Variants in L3MBTL4 observed in about 807,000 individuals in gnomAD.
L3MBTL4 encodes the protein L3MBTL histone methyl-lysine binding protein 4.
In L3MBTL4, 70 loss-of-function variants were observed where a neutral mutation model predicts 84.5. The observed-to-expected ratio is 0.83, with a 90% CI of 0.68 to 1.01. The LOEUF (loss-of-function observed/expected upper bound fraction) is 1.01, where lower values mean the gene tolerates loss of function less well. Ranked by LOEUF, L3MBTL4 falls within the 50% of genes least tolerant of loss-of-function variation. L3MBTL4 has a pLI of 0.00. For missense variants in L3MBTL4, 715 were observed against 754.8 expected (o/e 0.95, Z 0.62); for synonymous variants, 274 against 259.8 (o/e 1.05, Z -0.52).
intron 13 of L3MBTL4, among the ~76,000 whole-genome samples, chr18:6,163,230 G>A (rs866527917): frequency 5.2e-4 from 75 of 143,438 alleles, no homozygotes; most frequent in Middle Eastern, 7.2e-3. Flanking sequence ...TTTGGAGTAG[G>A]GGTGTGTTTG....
At chr18:6,093,188 A>G (rs564231879) in intron 15 of L3MBTL4, among the ~76,000 whole-genome samples, 167 bp downstream of exon 15, 2 of 152,260 alleles carry the variant, frequency 1.3e-5, no homozygotes, top group South Asian at 4.1e-4. Flanking sequence ...TTTTAAATGA[A>G]GATCAAGGCT....
At chr18:6,317,840 G>A (rs944731875) in intron 1 of L3MBTL4, among the ~76,000 whole-genome samples, 1 of 152,100 alleles carries the variant, frequency 6.6e-6, no homozygotes, top group Non-Finnish European at 1.5e-5. Context: ...AGAATTCTAA[G>A]AGCAGTGAGA....
intron 16 of L3MBTL4, among the ~76,000 whole-genome samples, chr18:6,016,911 G>A (rs1027459271): frequency 3.3e-5 from 5 of 152,130 alleles, no homozygotes; most frequent in South Asian, 2.1e-4. Context: ...TGTGGGGAAG[G>A]GGCATGGAGA....
At chr18:6,094,945 A>T (rs1403795410) in intron 14 of L3MBTL4, among the ~76,000 whole-genome samples, 1 of 152,186 alleles carries the variant, frequency 6.6e-6, no homozygotes, top group African/African-American at 2.4e-5. Context: ...GTAATTTGTA[A>T]TAATCAGTAT....
chr18:6,158,313 AGAT>A (rs914684980), intron 13 of L3MBTL4, among the ~76,000 whole-genome samples: 1 of 152,214 alleles, frequency 6.6e-6, no homozygotes, highest in African/African-American at 2.4e-5. Flanking sequence ...GCTATTCTTT[AGAT>A]AATATGGCCC....
In L3MBTL4 at chr18:6,320,985, C is replaced by T. The variant is rs975899199; in HGVS notation, c.-90-8929G>A. 6.6e-5 allele frequency among the ~76,000 whole-genome samples: 10 copies of T among 151,952 alleles called. No individual in the cohort carries two copies. In the East Asian group the frequency reaches 1.9e-3, roughly 29 times the overall value. ...ATACAAAAACATAACTGGGGAAGGG[C>T]CACCCTATTTAATAAATGGTGCTGG... On this transcript the variant is annotated intron_variant, in intron 1 of 18. Transcript: ENST00000317931.
intron 16 of L3MBTL4, among the ~76,000 whole-genome samples, chr18:5,996,008 T>C (rs1285973971): frequency 6.6e-6 from 1 of 152,238 alleles, no homozygotes; most frequent in Non-Finnish European, 1.5e-5. Context: ...GCTGCAGTAT[T>C]GATAACTTTA....
At chr18:6,169,381 T>C (rs2043849884) in intron 13 of L3MBTL4, among the ~76,000 whole-genome samples, 1 of 152,174 alleles carries the variant, frequency 6.6e-6, no homozygotes, top group Non-Finnish European at 1.5e-5. Context: ...CATGCACATG[T>C]ATGTTTATTG....
chr18:6,286,635 C>A (rs1047592575), intron 4 of L3MBTL4, among the ~76,000 whole-genome samples: 13 of 152,170 alleles, frequency 8.5e-5, no homozygotes, highest in African/African-American at 3.1e-4. Context: ...CATTTTAAAT[C>A]TCCATATTTT....
intron 12 of L3MBTL4, among the ~76,000 whole-genome samples, chr18:6,177,325 G>T (rs1051742041): frequency 6.6e-6 from 1 of 152,192 alleles, no homozygotes; most frequent in African/African-American, 2.4e-5. Context: ...GCATGAACAT[G>T]GGAACAACAG....
At chr18:6,305,570 G>A (rs1051350097) in intron 3 of L3MBTL4, among the ~76,000 whole-genome samples, 17 of 152,142 alleles carry the variant, frequency 1.1e-4, no homozygotes, top group African/African-American at 2.9e-4. Flanking sequence ...CCATTACTGC[G>A]ATTTCTCAGG....
intron 16 of L3MBTL4, among the ~76,000 whole-genome samples, chr18:6,027,626 C>T (rs761770152): frequency 3.2e-4 from 49 of 152,278 alleles, no homozygotes; most frequent in Admixed American, 1.2e-3. Flanking sequence ...TCTTCCACAA[C>T]GGTTGAACTA....
At chr18:6,235,718 A>G (rs2047191023) in intron 10 of L3MBTL4, among the ~76,000 whole-genome samples, 1 of 152,200 alleles carries the variant, frequency 6.6e-6, no homozygotes, top group African/African-American at 2.4e-5. Flanking sequence ...TAATCACAGA[A>G]GTTTTTACAG....
At chr18:6,265,994 T>C (rs1361684530) in intron 4 of L3MBTL4, among the ~76,000 whole-genome samples, 1 of 152,188 alleles carries the variant, frequency 6.6e-6, no homozygotes, top group Non-Finnish European at 1.5e-5. Flanking sequence ...CATAAGTATG[T>C]GAGGTGACGG....
intron 1 of L3MBTL4, among the ~76,000 whole-genome samples, chr18:6,376,140 C>A: frequency 6.6e-6 from 1 of 152,228 alleles, no homozygotes; most frequent in Non-Finnish European, 1.5e-5. Flanking sequence ...TCACTGGCAA[C>A]AGTGGCCCTC....
intron 16 of L3MBTL4, among the ~76,000 whole-genome samples, chr18:6,058,207 G>A (rs891926994): frequency 3.3e-5 from 5 of 152,182 alleles, no homozygotes; most frequent in African/African-American, 1.2e-4. Context: ...TTAATGAAAT[G>A]TCAAAATAGC....
chr18:5,996,294 T>A (rs930138374), intron 16 of L3MBTL4, among the ~76,000 whole-genome samples: 8 of 152,132 alleles, frequency 5.3e-5, no homozygotes, highest in Non-Finnish European at 1.2e-4. Flanking sequence ...ACGATCTTGA[T>A]GTTAGTTCTG....
chr18:6,032,536 G>T (rs968313605), intron 16 of L3MBTL4, among the ~76,000 whole-genome samples: 13 of 146,602 alleles, frequency 8.9e-5, no homozygotes, highest in Non-Finnish European at 1.5e-4. Flanking sequence ...TTTTTATCCT[G>T]TTTTTTTTTT....
intron 16 of L3MBTL4, among the ~76,000 whole-genome samples, chr18:6,012,055 T>C (rs2054764252): frequency 6.6e-6 from 1 of 152,148 alleles, no homozygotes; most frequent in South Asian, 2.1e-4. Flanking sequence ...CTGAAATAAC[T>C]CCTTAAACCT....
Sources: gnomAD v4.1 joint callset for allele counts (sites outside exome capture counted in the v4.1 genomes callset) on GRCh38, gnomAD v4.1.1 for gene constraint, MANE v1.5 for transcripts, NCBI Gene and HGNC (gene_info 2026-07-23, HGNC 2026-07-21) for gene names.